CALD1: variants seen among roughly 807,000 people sequenced by gnomAD.
CALD1 encodes the protein caldesmon.
CALD1 carries 33 observed loss-of-function variants against 99.9 expected under a neutral mutation model. The ratio of observed to expected loss-of-function variants is 0.33; its 90% CI spans 0.25 to 0.44. The LOEUF (loss-of-function observed/expected upper bound fraction) is 0.44, where lower values mean the gene tolerates loss of function less well. Ranked by LOEUF, CALD1 falls within the 20% of genes least tolerant of loss-of-function variation. CALD1 has a pLI of 1.00. For synonymous variants in CALD1, 310 were observed against 325.0 expected (o/e 0.95, Z 0.50); for missense variants, 861 against 962.1 (o/e 0.89, Z 1.39).
chr7:134,836,441 G>A (rs571978740), intron 1 of CALD1, among the ~76,000 whole-genome samples: 3 of 152,260 alleles, frequency 2.0e-5, no homozygotes, highest in Middle Eastern at 3.4e-3. Context: ...GTCAGTGCTC[G>A]TTGATAATGA....
chr7:134,797,697 A>C (rs1797798518), intron 1 of CALD1, among the ~76,000 whole-genome samples: 1 of 151,978 alleles, frequency 6.6e-6, no homozygotes, highest in African/African-American at 2.4e-5. Flanking sequence ...GGTTCAAGCA[A>C]TTTTCCTGCC....
intron 2 of CALD1, among the ~76,000 whole-genome samples, chr7:134,849,433 G>A (rs6962081): frequency 0.51 from 78,010 of 152,066 alleles, 22,300 homozygotes; most frequent in African/African-American, 0.77. Context: ...CTGATGCTCA[G>A]TTCCCTGATA....
At chr7:134,792,273 C>A (rs1797566170) in intron 1 of CALD1, among the ~76,000 whole-genome samples, 1 of 150,728 alleles carries the variant, frequency 6.6e-6, no homozygotes, top group African/African-American at 2.4e-5. Context: ...TATCTGCATC[C>A]AAATTTCCTC....
At chr7:134,963,081 A>G (rs1808402339) in intron 13 of CALD1, 1 of 352,882 alleles carries the variant, frequency 2.8e-6, no homozygotes, top group Non-Finnish European at 5.6e-6. Context: ...CCATTTTCTT[A>G]GGTAGAAGAA....
intron 1 of CALD1, chr7:134,822,077 A>G (rs1339588610): frequency 6.6e-6 from 1 of 152,180 alleles, no homozygotes; most frequent in Non-Finnish European, 1.5e-5. Flanking sequence ...TCTCAATAAA[A>G]CTATTGAGTC....
intron 3 of CALD1, among the ~76,000 whole-genome samples, chr7:134,874,329 C>G (rs28674970): frequency 6.6e-6 from 1 of 151,844 alleles, no homozygotes; most frequent in East Asian, 1.9e-4. Context: ...AGTAGGCACA[C>G]GCCACCACAC....
intron 14 of CALD1, among the ~76,000 whole-genome samples, 156 bp from the exon 15 acceptor site, chr7:134,968,184 T>A (rs905695450): frequency 1.2e-4 from 18 of 152,066 alleles, no homozygotes; most frequent in African/African-American, 4.1e-4. Context: ...CATATTTGAA[T>A]GGAATGCCGA....
chr7:134,748,750 GA>G (rs1273744371), intron 1 of CALD1, among the ~76,000 whole-genome samples: 1 of 109,954 alleles, frequency 9.1e-6, no homozygotes, highest in Non-Finnish European at 1.7e-5. Flanking sequence ...AAACAAACAT[GA>G]ATTTGGGTAG....
intron 3 of CALD1, among the ~76,000 whole-genome samples, chr7:134,917,435 A>G (rs1031056118): frequency 7.9e-5 from 12 of 152,042 alleles, no homozygotes; most frequent in African/African-American, 2.9e-4. Flanking sequence ...TACAACCTCC[A>G]TTTCCTGGGT....
At chr7:134,915,116 G>GT (rs761915270) in intron 3 of CALD1, among the ~76,000 whole-genome samples, 1 of 152,182 alleles carries the variant, frequency 6.6e-6, no homozygotes, top group Non-Finnish European at 1.5e-5. Flanking sequence ...CTCCACCTTG[G>GT]TATCTGGCAG....
At chr7:134,754,651 C>T (rs545074112) in intron 1 of CALD1, among the ~76,000 whole-genome samples, 2 of 152,192 alleles carry the variant, frequency 1.3e-5, no homozygotes, top group East Asian at 3.9e-4. Flanking sequence ...TGGAATAATA[C>T]CACATATATC....
the CALD1 span, among the ~76,000 whole-genome samples, chr7:134,720,558 C>T: frequency 0.43 from 64,770 of 151,996 alleles, 15,432 homozygotes; most frequent in African/African-American, 0.65. Flanking sequence ...CAGATTCCAA[C>T]GCTTAACATC....
intron 3 of CALD1, among the ~76,000 whole-genome samples, chr7:134,885,415 C>T (rs1319759381): frequency 4.6e-5 from 7 of 152,042 alleles, no homozygotes; most frequent in Admixed American, 4.6e-4. Context: ...TGCTTTCATC[C>T]AGGTCTGACC....
At chr7:134,914,739 C>T (rs1804080943) in intron 3 of CALD1, among the ~76,000 whole-genome samples, 2 of 152,166 alleles carry the variant, frequency 1.3e-5, no homozygotes. Flanking sequence ...TTTCATTCCC[C>T]CAGCTCCCAA....
intron 13 of CALD1, among the ~76,000 whole-genome samples, chr7:134,964,538 C>T (rs1212219824): frequency 1.3e-5 from 2 of 152,166 alleles, no homozygotes; most frequent in African/African-American, 4.8e-5. Context: ...ACTCTCTCAA[C>T]TTTCCAGCCT....
chr7:134,888,991 G>A (rs1012360), intron 3 of CALD1, among the ~76,000 whole-genome samples: 50,445 of 151,936 alleles, frequency 0.33, 10,467 homozygotes, highest in East Asian at 0.84. Context: ...TTTTTTTCTA[G>A]GTTTTTCCAT....
At chr7:134,744,674 A>T (rs1796619933) in intron 1 of CALD1, among the ~76,000 whole-genome samples, 1 of 152,154 alleles carries the variant, frequency 6.6e-6, no homozygotes, top group African/African-American at 2.4e-5. Flanking sequence ...TTCACCAAAC[A>T]TTGGCAGAGT....
chr7:134,904,818 A>AG (rs1231233671), intron 3 of CALD1, among the ~76,000 whole-genome samples: 1 of 152,108 alleles, frequency 6.6e-6, no homozygotes, highest in Non-Finnish European at 1.5e-5. Flanking sequence ...AGAACAGAAA[A>AG]GGGGATTATC....
chr7:134,870,128 G>C (rs1314798777), intron 3 of CALD1, among the ~76,000 whole-genome samples: 1 of 152,202 alleles, frequency 6.6e-6, no homozygotes, highest in African/African-American at 2.4e-5. Context: ...AAAAATAATG[G>C]TGGTAAAGAA....
Sources: gnomAD v4.1 joint callset for allele counts (sites outside exome capture counted in the v4.1 genomes callset) on GRCh38, gnomAD v4.1.1 for gene constraint, MANE v1.5 for transcripts, NCBI Gene and HGNC (gene_info 2026-07-23, HGNC 2026-07-21) for gene names.